Variants in MYO5B observed in about 807,000 individuals in gnomAD.
MYO5B encodes the protein myosin VB, also known as unconventional myosin-Vb.
Under a neutral mutation model 229.3 loss-of-function variants are expected in MYO5B, and 143 were observed. The ratio of observed to expected loss-of-function variants is 0.62; its 90% CI spans 0.54 to 0.72. MYO5B has a LOEUF of 0.72. MYO5B is among the 30% of genes least tolerant of loss of function. MYO5B has a pLI of 0.00. For missense variants in MYO5B, 2,321 were observed against 2,331.0 expected, an observed-to-expected ratio of 1.00 and a Z score of 0.09; for synonymous variants, 918 against 885.2, an observed-to-expected ratio of 1.04 and a Z score of -0.66.
chr18:49,886,309 C>T (rs1219785733), intron 22 of MYO5B, among the ~76,000 whole-genome samples: 1 of 152,154 alleles, frequency 6.6e-6, no homozygotes, highest in Non-Finnish European at 1.5e-5. Flanking sequence ...CCCTTCAATT[C>T]AAGCAGACTC....
chr18:49,865,434 T>C (rs1370893891), intron 27 of MYO5B, among the ~76,000 whole-genome samples: 3 of 152,156 alleles, frequency 2.0e-5, no homozygotes, highest in African/African-American at 7.2e-5. Context: ...ATAATGATCA[T>C]TGATGAGTCA....
chr18:49,945,404 T>A (rs2025360449), intron 14 of MYO5B, among the ~76,000 whole-genome samples: 1 of 152,042 alleles, frequency 6.6e-6, no homozygotes, highest in African/African-American at 2.4e-5. Context: ...CTACTTCCTA[T>A]ATCTCAATCA....
At chr18:50,125,239 G>A (rs2032139829) in intron 1 of MYO5B, among the ~76,000 whole-genome samples, 1 of 152,038 alleles carries the variant, frequency 6.6e-6, no homozygotes, top group African/African-American at 2.4e-5. Flanking sequence ...GGATGAAGCT[G>A]GAAACCATCA....
intron 1 of MYO5B, among the ~76,000 whole-genome samples, chr18:50,180,213 C>G (rs1468301263): frequency 1.3e-5 from 2 of 152,228 alleles, no homozygotes; most frequent in Non-Finnish European, 2.9e-5. Flanking sequence ...GCAGACAGAG[C>G]TCCCTTCCCA....
chr18:49,976,227 G>A (rs1411961058), intron 9 of MYO5B, among the ~76,000 whole-genome samples: 2 of 152,146 alleles, frequency 1.3e-5, no homozygotes, highest in Admixed American at 6.5e-5. Context: ...TGACTTGTAG[G>A]ATTTAAATGA....
intron 1 of MYO5B, among the ~76,000 whole-genome samples, chr18:50,070,816 C>G (rs1304101901): frequency 2.0e-5 from 3 of 151,698 alleles, no homozygotes; most frequent in African/African-American, 7.3e-5. Context: ...TGCCCCCTGC[C>G]TGCATACCAT....
At position 49,864,337 on chromosome 18, in the gene MYO5B, A is replaced by C. The variant is rs201194311; in HGVS notation, c.3647T>G (p.Leu1216Arg). ...ESENKKLKNDLNELRKAVADQ... is the reference protein window; with the variant it reads ...ESENKKLKNDRNELRKAVADQ... ...GGCCACGGCTTTCCTCAGCTCATTC[A>C]GGTCATTCTTCAGCTTTTTGTTCTC... Residue 1216 changes from leucine to arginine, a missense_variant, in exon 28 of 40, where the codon CTG becomes CGG. Around this residue, in one of 2 missense-constraint regions of MYO5B, gnomAD observed 2,113 missense variants for 2,044.7 expected, o/e 1.03. Coordinates refer to ENST00000285039, the MANE Select transcript of MYO5B (RefSeq NM_001080467.3). 4.2e-4 allele frequency: 681 copies of C among 1,614,008 alleles called. 1 individual carries two copies. Among genetic ancestry groups the C allele is most frequent in the Non-Finnish European group, 5.6e-4 (655 of 1,180,038 alleles).
intron 2 of MYO5B, among the ~76,000 whole-genome samples, chr18:50,042,834 G>A (rs755249328): frequency 6.6e-6 from 1 of 152,152 alleles, no homozygotes; most frequent in Non-Finnish European, 1.5e-5. Context: ...GAGCCACAGA[G>A]CTCATGTCTT....
chr18:50,074,821 GGTT>G lies in MYO5B; in HGVS notation c.28-19446_28-19444del, dbSNP rs199629967. On this transcript the variant is annotated intron_variant, in intron 1 of 39. Coordinates refer to ENST00000285039, the MANE Select transcript of MYO5B (RefSeq NM_001080467.3). ...ATTGGAGACCCATGGTTTTTTTGGG[GGTT>G]TTTTTGTTTGTTTTGAGATGGAGTC... Among the ~76,000 whole-genome samples the G allele has an allele frequency of 9.8e-3, 1,491 of 151,992 alleles. 21 individuals carry two copies. Among genetic ancestry groups the G allele is most frequent in the African/African-American group, 0.034 (1,409 of 41,420 alleles).
At chr18:49,885,426 C>T (rs1196573626) in intron 22 of MYO5B, among the ~76,000 whole-genome samples, 1 of 152,142 alleles carries the variant, frequency 6.6e-6, no homozygotes, top group Non-Finnish European at 1.5e-5. Context: ...CCTGAGTACC[C>T]ACCTGCACCC....
intron 4 of MYO5B, among the ~76,000 whole-genome samples, chr18:50,003,635 C>T (rs1366758746): frequency 6.6e-6 from 1 of 152,150 alleles, no homozygotes; most frequent in African/African-American, 2.4e-5. Flanking sequence ...TGGCGTTGTA[C>T]CTCTGAAACA....
chr18:49,909,924 A>AC (rs1253991162), intron 18 of MYO5B, among the ~76,000 whole-genome samples: 12 of 152,178 alleles, frequency 7.9e-5, no homozygotes, highest in African/African-American at 2.9e-4. Flanking sequence ...CCCCCTGCGT[A>AC]TTAGGCTCAG....
At chr18:50,034,559 C>A (rs1165694411) in intron 4 of MYO5B, among the ~76,000 whole-genome samples, 2 of 152,142 alleles carry the variant, frequency 1.3e-5, no homozygotes, top group African/African-American at 2.4e-5. Flanking sequence ...GCCTGGCCAA[C>A]ATGGTGAAAC....
chr18:50,050,870 T>C (rs759377674), intron 2 of MYO5B, among the ~76,000 whole-genome samples: 1 of 152,206 alleles, frequency 6.6e-6, no homozygotes, highest in Non-Finnish European at 1.5e-5. Context: ...ATGCAAAAGA[T>C]TCTTACATAA....
chr18:50,087,792 C>CT (rs2031363743), intron 1 of MYO5B, among the ~76,000 whole-genome samples: 1 of 152,056 alleles, frequency 6.6e-6, no homozygotes. Flanking sequence ...ATGAGGCACC[C>CT]TTCCCAAAGA....
At chr18:49,892,978 T>C (rs537495488) in intron 22 of MYO5B, among the ~76,000 whole-genome samples, 1 of 152,330 alleles carries the variant, frequency 6.6e-6, no homozygotes, top group African/African-American at 2.4e-5. Context: ...TAGGTCAGCA[T>C]ATCATTGCTA....
chr18:50,075,567 C>A (rs2031059388), intron 1 of MYO5B, among the ~76,000 whole-genome samples: 1 of 152,162 alleles, frequency 6.6e-6, no homozygotes, highest in South Asian at 2.1e-4. Flanking sequence ...AGCCCAAGGC[C>A]ATGCAGCGAT....
intron 14 of MYO5B, among the ~76,000 whole-genome samples, chr18:49,942,881 T>C (rs1382224061): frequency 6.6e-6 from 1 of 152,126 alleles, no homozygotes; most frequent in African/African-American, 2.4e-5. Context: ...ACCCAAAGGA[T>C]TATAAATCAT....
At chr18:49,850,261 G>T (rs1215182672) in intron 31 of MYO5B, 1 of 167,954 alleles carries the variant, frequency 6.0e-6, no homozygotes, top group Non-Finnish European at 1.3e-5. Flanking sequence ...GTCCTCTGTG[G>T]CCAGGGACAC....
Sources: allele counts gnomAD v4.1 joint callset (sites outside exome capture counted in the v4.1 genomes callset), GRCh38; gene constraint gnomAD v4.1.1; regional missense constraint gnomAD v4.1.1; transcripts MANE v1.5; gene names NCBI Gene and HGNC (gene_info 2026-07-23, HGNC 2026-07-21).